Variants in NDUFA5 observed in about 807,000 individuals in gnomAD.
NDUFA5 encodes the protein NADH:ubiquinone oxidoreductase subunit A5.
NDUFA5 carries 11 observed loss-of-function variants against 19.8 expected under a neutral mutation model. That is an observed-to-expected ratio of 0.56 (90% CI 0.35 to 0.92). The LOEUF (loss-of-function observed/expected upper bound fraction) is 0.92. Among genes scored for constraint, NDUFA5 ranks in the 40% least tolerant of loss-of-function variants. The pLI is 0.01. For missense variants in NDUFA5, 109 were observed against 134.2 expected (o/e 0.81, Z 0.93); for synonymous variants, 47 against 46.8 (o/e 1.00, Z -0.01).
At chr7:123,564,095 A>G in the NDUFA5 span, among the ~76,000 whole-genome samples, 1 of 152,244 alleles carries the variant, frequency 6.6e-6, no homozygotes, top group Non-Finnish European at 1.5e-5. Context: ...ATAGCCACCA[A>G]AAAATAGGCG....
At chr7:123,547,362 C>CA (rs1798171344) in intron 3 of NDUFA5, among the ~76,000 whole-genome samples, 1 of 152,126 alleles carries the variant, frequency 6.6e-6, no homozygotes, top group Non-Finnish European at 1.5e-5. Flanking sequence ...TTACTATTTT[C>CA]TAACACACTA....
the NDUFA5 span, among the ~76,000 whole-genome samples, chr7:123,573,101 G>A: frequency 2.6e-4 from 39 of 151,950 alleles, no homozygotes; most frequent in East Asian, 7.4e-3. Flanking sequence ...AGTACTCCCT[G>A]AAATCACCTC....
the NDUFA5 span, among the ~76,000 whole-genome samples, chr7:123,574,449 A>T: frequency 1.3e-5 from 2 of 152,296 alleles, no homozygotes; most frequent in African/African-American, 4.8e-5. Context: ...GTGATACAGT[A>T]AGTCAGGGAT....
At chr7:123,545,415 A>G (rs1207061470) in intron 4 of NDUFA5, among the ~76,000 whole-genome samples, 196 bp downstream of exon 4, 2 of 152,262 alleles carry the variant, frequency 1.3e-5, no homozygotes, top group South Asian at 2.1e-4. Flanking sequence ...CAGAAGTCTC[A>G]TAAATTCATG....
chr7:123,542,230 C>CA lies in NDUFA5; in HGVS notation c.250-11dup, dbSNP rs1797968383. The CA allele has an allele frequency of 6.3e-7, 1 of 1,597,910 alleles. No homozygotes were observed. Among genetic ancestry groups the CA allele is most frequent in the Admixed American group, 1.7e-5 (1 of 57,264 alleles). ...TTAGTTCATGTTCAGCCTGTTAATA[C>CA]AAATTTTTTAAAAGATCATTGGATT... On this transcript the variant is annotated splice_polypyrimidine_tract_variant and intron_variant, in intron 4 of 4. Transcript: ENST00000355749.
the NDUFA5 span, chr7:123,584,756 A>T: frequency 6.6e-6 from 1 of 152,032 alleles, no homozygotes. Context: ...TAAAAATCAC[A>T]AACTATTGAA....
the NDUFA5 span, chr7:123,567,191 A>G: frequency 2.0e-5 from 3 of 152,168 alleles, no homozygotes; most frequent in Non-Finnish European, 4.4e-5. Context: ...TAGGCTAGTG[A>G]TAGTAGAATT....
At chr7:123,586,009 G>C in the NDUFA5 span, among the ~76,000 whole-genome samples, 1 of 151,486 alleles carries the variant, frequency 6.6e-6, no homozygotes, top group Non-Finnish European at 1.5e-5. Context: ...TCCACCTCTT[G>C]CTTATTCTGA....
At chr7:123,556,746 T>G (rs765410569) in intron 2 of NDUFA5, 16 of 437,642 alleles carry the variant, frequency 3.7e-5, no homozygotes, top group Non-Finnish European at 7.0e-5. Context: ...AAAACGCTGC[T>G]ATTAGGTCAA....
At chr7:123,554,017 C>T (rs1437156888) in intron 2 of NDUFA5, among the ~76,000 whole-genome samples, 41 of 152,102 alleles carry the variant, frequency 2.7e-4, no homozygotes, top group Admixed American at 2.7e-3. Context: ...GCAGAAAATA[C>T]AGCAAACATA....
chr7:123,557,645 T>C (rs769484232), intron 1 of NDUFA5, 130 bp downstream of exon 1: 1 of 1,613,754 alleles, frequency 6.2e-7, no homozygotes, highest in Non-Finnish European at 8.5e-7. Context: ...CGGTAAGGCA[T>C]GCAGAACGAG....
At chr7:123,576,317 T>C in the NDUFA5 span, among the ~76,000 whole-genome samples, 5 of 152,120 alleles carry the variant, frequency 3.3e-5, no homozygotes, top group East Asian at 9.7e-4. Context: ...TTTTACTCTT[T>C]TTTATATATG....
chr7:123,557,686 G>C (rs766778380), intron 1 of NDUFA5, 89 bp downstream of exon 1: 8 of 1,614,048 alleles, frequency 5.0e-6, no homozygotes, highest in Admixed American at 1.7e-5. Flanking sequence ...GCCCGCGACA[G>C]TAGGGGTCAA....
At chr7:123,577,195 T>C in the NDUFA5 span, among the ~76,000 whole-genome samples, 2 of 152,202 alleles carry the variant, frequency 1.3e-5, no homozygotes, top group Non-Finnish European at 2.9e-5. Context: ...TACTATATCA[T>C]TGATATCTTC....
At chr7:123,570,547 G>GT in the NDUFA5 span, among the ~76,000 whole-genome samples, 1 of 152,124 alleles carries the variant, frequency 6.6e-6, no homozygotes, top group Non-Finnish European at 1.5e-5. Context: ...AACACACTAA[G>GT]AAACTGGCTT....
Position 123,537,684 on chromosome 7 carries a change from G to C in NDUFA5, c.*4435C>G, listed in dbSNP as rs1466365964. 6.6e-6 allele frequency: 1 copy of C among 152,100 alleles called. No homozygotes were observed. The highest frequency in any genetic ancestry group is 2.4e-5 in the African/African-American group (1 of 41,424). The allele number at this position is 152,100 out of a possible 1,614,324, so 9.4% of individuals were successfully genotyped here. ...GCCTCATGTAATTCAGGTGGGGTTT[G>C]TTGCCAAATGAGTTATGAAAAAACT... On this transcript the variant is annotated 3_prime_UTR_variant, in exon 5 of 5. Transcript: ENST00000355749.
intron 2 of NDUFA5, among the ~76,000 whole-genome samples, chr7:123,553,961 T>A (rs12539809): frequency 0.81 from 122,756 of 152,242 alleles, 49,582 homozygotes; most frequent in African/African-American, 0.83. Flanking sequence ...GAAACTTAAA[T>A]GATATTGGAA....
At chr7:123,542,628 A>C in intron 4 of NDUFA5, among the ~76,000 whole-genome samples, 1 of 152,202 alleles carries the variant, frequency 6.6e-6, no homozygotes, top group Non-Finnish European at 1.5e-5. Context: ...TATAACTAAA[A>C]CTTTTTAAAT....
the NDUFA5 span, among the ~76,000 whole-genome samples, chr7:123,564,393 AG>A: frequency 6.6e-6 from 1 of 152,162 alleles, no homozygotes; most frequent in African/African-American, 2.4e-5. Flanking sequence ...AAGCTGTAAA[AG>A]TCAAAGTTCT....
Sources: gnomAD v4.1 joint callset for allele counts (sites outside exome capture counted in the v4.1 genomes callset) on GRCh38, gnomAD v4.1.1 for gene constraint, MANE v1.5 for transcripts, NCBI Gene and HGNC (gene_info 2026-07-23, HGNC 2026-07-21) for gene names.